Variants in ARSG observed in about 807,000 individuals in gnomAD.
ARSG encodes ASG.
A neutral mutation model predicts 50.5 loss-of-function variants in ARSG; 37 were observed. The observed-to-expected ratio is 0.73, with a 90% confidence interval of 0.56 to 0.96. The LOEUF (loss-of-function observed/expected upper bound fraction) is 0.96. ARSG is among the 50% of genes least tolerant of loss of function. The probability of loss-of-function intolerance (pLI) is 0.00; values close to 1 mark genes in which losing one functional copy is unlikely to be tolerated. For synonymous variants in ARSG, 225 were observed against 254.6 expected, an observed-to-expected ratio of 0.88 and a Z score of 1.11; for missense variants, 629 against 675.3, an observed-to-expected ratio of 0.93 and a Z score of 0.76.
chr17:68,422,176 C>T, downstream of ARSG: 1 of 207,358 alleles, frequency 4.8e-6, no homozygotes, highest in Non-Finnish European at 1.0e-5. Flanking sequence ...GCCTGTAATC[C>T]CAGAACTTTG....
intron 6 of ARSG, 26 bp from the exon 7 acceptor site, chr17:68,368,522 G>A (rs2079658545): frequency 6.8e-6 from 11 of 1,608,836 alleles, no homozygotes; most frequent in Non-Finnish European, 9.3e-6. Flanking sequence ...CTTCTGCAGA[G>A]TCACCTCTTG....
At chr17:68,324,070 C>CAAAAA (rs57040262) in intron 2 of ARSG, among the ~76,000 whole-genome samples, 31 of 89,756 alleles carry the variant, frequency 3.5e-4, no homozygotes, top group African/African-American at 7.7e-4. Flanking sequence ...AAAACTCCAT[C>CAAAAA]AAAAAAAAAA....
At chr17:68,372,962 G>A (rs968949644) in intron 8 of ARSG, among the ~76,000 whole-genome samples, 2 of 140,852 alleles carry the variant, frequency 1.4e-5, no homozygotes, top group Non-Finnish European at 3.0e-5. Flanking sequence ...CACGATCTTG[G>A]CTCACTGCAG....
chr17:68,449,621 A>C, the ARSG span, among the ~76,000 whole-genome samples: 1 of 152,026 alleles, frequency 6.6e-6, no homozygotes, highest in Non-Finnish European at 1.5e-5. Flanking sequence ...AGTACCCCCC[A>C]CCCGTCTCTT....
chr17:68,352,794 G>A (rs1020789943), intron 5 of ARSG, among the ~76,000 whole-genome samples: 5 of 152,056 alleles, frequency 3.3e-5, no homozygotes, highest in African/African-American at 1.2e-4. Context: ...TCAGGCGTGA[G>A]TCACCGCACC....
rs770473733 is a variant in ARSG at position 68,351,695 on chromosome 17, G to A, written c.566+9G>A. ...GGTGATGGACCATCAAGGTAATGCT[G>A]TCTGACACATTTGCGATAGGCTCCA... On this transcript the variant is annotated intron_variant, in intron 5 of 11. Transcript: ENST00000621439. 1.4e-5 allele frequency: 22 copies of A among 1,578,138 alleles called. No individual in the cohort carries two copies. The highest frequency in any genetic ancestry group is 1.7e-5 in the Non-Finnish European group (19 of 1,147,422).
chr17:68,274,946 G>A (rs373629537), intron 1 of ARSG, among the ~76,000 whole-genome samples: 1 of 152,084 alleles, frequency 6.6e-6, no homozygotes, highest in African/African-American at 2.4e-5. Flanking sequence ...ATGCCCGGCT[G>A]ATTGTGTATT....
chr17:68,341,534 C>T (rs985157222), intron 2 of ARSG, among the ~76,000 whole-genome samples: 2 of 152,194 alleles, frequency 1.3e-5, no homozygotes, highest in Non-Finnish European at 2.9e-5. Flanking sequence ...GCCACTTCCT[C>T]TATGGAGATT....
chr17:68,284,957 A>C (rs901278628), intron 1 of ARSG, among the ~76,000 whole-genome samples: 4 of 152,190 alleles, frequency 2.6e-5, no homozygotes, highest in Non-Finnish European at 4.4e-5. Flanking sequence ...TACCTTGTAC[A>C]CAGCTTGTAT....
At chr17:68,350,811 T>TA (rs960423479) in intron 4 of ARSG, among the ~76,000 whole-genome samples, 9 of 147,172 alleles carry the variant, frequency 6.1e-5, no homozygotes, top group African/African-American at 1.2e-4. Context: ...TAAAATAAAA[T>TA]AAATAAATAC....
At chr17:68,303,283 C>T (rs1381759963) in intron 1 of ARSG, among the ~76,000 whole-genome samples, 5 of 152,128 alleles carry the variant, frequency 3.3e-5, no homozygotes, top group Non-Finnish European at 5.9e-5. Context: ...CACCACCATG[C>T]GTGGCTAATT....
chr17:68,282,779 TA>T (rs36155626), intron 1 of ARSG, among the ~76,000 whole-genome samples: 37 of 53,400 alleles, frequency 6.9e-4, no homozygotes, highest in Middle Eastern at 0.015. Context: ...CCATCTCTAC[TA>T]AAAAAAAAAA....
intron 11 of ARSG, among the ~76,000 whole-genome samples, chr17:68,417,733 ATTTTTTTTTTTT>A (rs770292731): frequency 3.9e-4 from 24 of 60,834 alleles, no homozygotes; most frequent in East Asian, 1.3e-3. Flanking sequence ...GAGTTGCTGA[ATTTTTTTTTTTT>A]TTTTTTTTTT....
chr17:68,392,950 G>C (rs2081065220), intron 9 of ARSG, among the ~76,000 whole-genome samples: 1 of 152,226 alleles, frequency 6.6e-6, no homozygotes, highest in Non-Finnish European at 1.5e-5. Flanking sequence ...GTGGACACCT[G>C]TCCCACACTG....
chr17:68,431,545 G>C, the ARSG span, among the ~76,000 whole-genome samples: 1 of 152,174 alleles, frequency 6.6e-6, no homozygotes, highest in Non-Finnish European at 1.5e-5. Flanking sequence ...TGTCTGAGGA[G>C]GAGGTGTCAT....
upstream of ARSG, among the ~76,000 whole-genome samples, chr17:68,290,597 A>T (rs1294154293): frequency 6.6e-6 from 1 of 152,162 alleles, no homozygotes; most frequent in Non-Finnish European, 1.5e-5. Context: ...GGGTCGGGGG[A>T]GGCAGGGAGC....
chr17:68,314,181 A>G (rs2076979175), intron 2 of ARSG, among the ~76,000 whole-genome samples: 2 of 152,028 alleles, frequency 1.3e-5, no homozygotes, highest in Admixed American at 1.3e-4. Flanking sequence ...CCTCTTCTGT[A>G]AGTGGGGACA....
chr17:68,415,749 C>T (rs952355786), intron 11 of ARSG, among the ~76,000 whole-genome samples: 7 of 152,330 alleles, frequency 4.6e-5, no homozygotes, highest in African/African-American at 1.4e-4. Context: ...TCCTGTTGGA[C>T]ACGGCCTTTT....
At chr17:68,435,623 T>C in the ARSG span, 2 of 1,614,020 alleles carry the variant, frequency 1.2e-6, no homozygotes, top group Admixed American at 1.7e-5. Flanking sequence ...GACTCACTTT[T>C]TCAGACGCAC....
Sources: gnomAD v4.1 joint callset for allele counts (sites outside exome capture counted in the v4.1 genomes callset) on GRCh38, gnomAD v4.1.1 for gene constraint, MANE v1.5 for transcripts, NCBI Gene and HGNC (gene_info 2026-07-23, HGNC 2026-07-21) for gene names.